Variants in NCKAP5 observed in about 807,000 individuals in gnomAD.
NCKAP5 encodes the protein NCK associated protein 5.
NCKAP5 carries 92 observed loss-of-function variants against 167.0 expected under a neutral mutation model. The observed-to-expected ratio is 0.55, with a 90% CI of 0.47 to 0.66. The LOEUF is 0.66. Among genes scored for constraint, NCKAP5 ranks in the 30% least tolerant of loss-of-function variants. The pLI is 0.00. For synonymous variants in NCKAP5, 891 were observed against 877.4 expected, an observed-to-expected ratio of 1.02 and a Z score of -0.27; for missense variants, 2,378 against 2,315.0, an observed-to-expected ratio of 1.03 and a Z score of -0.56.
intron 16 of NCKAP5, among the ~76,000 whole-genome samples, chr2:132,768,639 T>G (rs1284924162): frequency 1.3e-5 from 1 of 76,564 alleles, no homozygotes; most frequent in African/African-American, 5.7e-5. Context: ...AATAATATCT[T>G]TTTTTTTTTT....
chr2:132,778,106 T>G (rs977206585), intron 15 of NCKAP5, among the ~76,000 whole-genome samples: 4 of 152,142 alleles, frequency 2.6e-5, no homozygotes, highest in African/African-American at 9.6e-5. Context: ...GCAAGTATAG[T>G]GTACCTCTTT....
At chr2:132,774,078 C>T (rs927410074) in intron 15 of NCKAP5, among the ~76,000 whole-genome samples, 184 bp from the exon 16 acceptor site, 2 of 152,116 alleles carry the variant, frequency 1.3e-5, no homozygotes, top group South Asian at 4.2e-4. Context: ...TCTACTTTTC[C>T]GCACTCCATC....
chr2:133,490,189 C>G (rs923530910), intron 3 of NCKAP5, among the ~76,000 whole-genome samples: 2 of 152,296 alleles, frequency 1.3e-5, no homozygotes, highest in Middle Eastern at 3.4e-3. Flanking sequence ...ACGGCTATAA[C>G]CCTGGAATTG....
At chr2:132,683,706 C>T (rs1457515008) in intron 19 of NCKAP5, among the ~76,000 whole-genome samples, 2 of 152,162 alleles carry the variant, frequency 1.3e-5, no homozygotes, top group Non-Finnish European at 2.9e-5. Flanking sequence ...CTTTCTTCAG[C>T]CAGCAAGTGT....
intron 8 of NCKAP5, among the ~76,000 whole-genome samples, chr2:132,916,991 G>A (rs1295992714): frequency 2.0e-5 from 3 of 152,160 alleles, no homozygotes; most frequent in African/African-American, 7.2e-5. Context: ...CAATAATGAT[G>A]ACAACTAATG....
At chr2:132,726,157 A>G (rs1690439685) in intron 18 of NCKAP5, among the ~76,000 whole-genome samples, 1 of 152,218 alleles carries the variant, frequency 6.6e-6, no homozygotes, top group Admixed American at 6.5e-5. Context: ...AACTGATCTC[A>G]TCATTGCCTT....
At chr2:133,056,289 A>G (rs1057324777) in intron 6 of NCKAP5, among the ~76,000 whole-genome samples, 3 of 152,102 alleles carry the variant, frequency 2.0e-5, no homozygotes, top group Non-Finnish European at 2.9e-5. Flanking sequence ...CATCATCCCT[A>G]TTTTAACAAT....
intron 6 of NCKAP5, among the ~76,000 whole-genome samples, chr2:133,084,449 C>T (rs754510387): frequency 2.0e-5 from 3 of 152,122 alleles, no homozygotes; most frequent in Non-Finnish European, 4.4e-5. Context: ...CTAGAGCAAG[C>T]TTCTGAAACC....
the NCKAP5 span, among the ~76,000 whole-genome samples, chr2:133,643,751 C>T: frequency 6.6e-6 from 1 of 152,208 alleles, no homozygotes; most frequent in Non-Finnish European, 1.5e-5. Flanking sequence ...ACCAGTCTTT[C>T]TACCTCCATC....
chr2:133,264,443 T>C (rs2089077340), intron 4 of NCKAP5, among the ~76,000 whole-genome samples: 1 of 152,200 alleles, frequency 6.6e-6, no homozygotes, highest in African/African-American at 2.4e-5. Context: ...ATAAACCAGC[T>C]GTAATGGGGG....
In NCKAP5 at chr2:132,750,071, A is replaced by C. The variant is rs184932764; in HGVS notation, c.5129-18020T>G. On this transcript the variant is annotated intron_variant, in intron 16 of 19. Transcript: ENST00000409261. ...AGCGGCAAAACTATAACTGAAACTT[A>C]CGTATGGTTGTTTCAGGATCATTTC... 2.6e-5 allele frequency among the ~76,000 whole-genome samples: 4 copies of C among 152,344 alleles called. No homozygotes were observed. In the East Asian group the frequency reaches 5.8e-4, roughly 22 times the overall value.
intron 3 of NCKAP5, among the ~76,000 whole-genome samples, chr2:133,517,202 T>G (rs1684074668): frequency 6.6e-6 from 1 of 152,236 alleles, no homozygotes; most frequent in Non-Finnish European, 1.5e-5. Flanking sequence ...GAAGTCTACA[T>G]CAGTTGTAAT....
intron 6 of NCKAP5, among the ~76,000 whole-genome samples, chr2:133,004,620 T>A (rs1286796023): frequency 6.6e-6 from 1 of 152,154 alleles, no homozygotes; most frequent in Non-Finnish European, 1.5e-5. Context: ...GAGCAAGATC[T>A]CAAGGCAAGG....
rs10666328 is a variant in NCKAP5 at position 133,540,933 on chromosome 2, C to CAAAAAA, written c.-62+18111_-62+18116dup. On this transcript the variant is annotated intron_variant, in intron 2 of 19. Coordinates refer to ENST00000409261, the MANE Select transcript of NCKAP5 (RefSeq NM_207363.3). ...TGGGTGACAGCACAAGACTCTGTCT[C>CAAAAAA]AAAAAAAAAAAAAAAAAAGAAAGAA... 9.0e-5 allele frequency among the ~76,000 whole-genome samples: 9 copies of CAAAAAA among 99,984 alleles called. No homozygotes were observed. In the East Asian group the frequency reaches 1.0e-3, roughly 11 times the overall value. 65.6% of individuals were successfully genotyped at this position (99,984 alleles called of 152,430 possible). A position where few individuals can be genotyped will look rare whatever the true frequency, so the allele number is the denominator to read the frequency against.
chr2:132,923,821 T>C (rs1184650973), intron 8 of NCKAP5, among the ~76,000 whole-genome samples: 1 of 152,082 alleles, frequency 6.6e-6, no homozygotes, highest in Non-Finnish European at 1.5e-5. Flanking sequence ...TGAGAAAGGA[T>C]TGTCGAGAAG....
chr2:133,010,020 G>A (rs1306627638), intron 6 of NCKAP5, among the ~76,000 whole-genome samples: 8 of 151,316 alleles, frequency 5.3e-5, no homozygotes, highest in East Asian at 1.9e-4. Flanking sequence ...GCAGTGAGCC[G>A]AGATGGTGCC....
chr2:133,440,725 A>C (rs1346111680), intron 3 of NCKAP5, among the ~76,000 whole-genome samples: 7 of 150,864 alleles, frequency 4.6e-5, no homozygotes, highest in African/African-American at 1.5e-4. Flanking sequence ...AAAAAAAAAA[A>C]AAAAAAAAAA....
chr2:133,459,303 A>T, intron 3 of NCKAP5, among the ~76,000 whole-genome samples: 1 of 152,090 alleles, frequency 6.6e-6, no homozygotes, highest in Non-Finnish European at 1.5e-5. Context: ...GCCTTCCAAA[A>T]TGCCAAGATT....
chr2:133,498,140 C>A (rs1451910845), intron 3 of NCKAP5, among the ~76,000 whole-genome samples: 1 of 152,042 alleles, frequency 6.6e-6, no homozygotes, highest in Non-Finnish European at 1.5e-5. Flanking sequence ...GAACATATGC[C>A]CGACATTTGT....
Sources: allele counts gnomAD v4.1 joint callset (sites outside exome capture counted in the v4.1 genomes callset), GRCh38; gene constraint gnomAD v4.1.1; transcripts MANE v1.5; gene names NCBI Gene and HGNC (gene_info 2026-07-23, HGNC 2026-07-21).